WASHC5: variants seen among roughly 807,000 people sequenced by gnomAD.
WASHC5 encodes the protein WASH complex subunit 5.
WASHC5 carries 101 observed loss-of-function variants against 150.4 expected under a neutral mutation model. That is an observed-to-expected ratio of 0.67 (90% CI 0.57 to 0.79). The LOEUF is 0.79. WASHC5 is among the 30% of genes least tolerant of loss of function. The pLI, the probability that WASHC5 is intolerant of heterozygous loss-of-function variation, is 0.00. For missense variants in WASHC5, 1,195 were observed against 1,396.3 expected (o/e 0.86, Z 2.30); for synonymous variants, 467 against 491.2 (o/e 0.95, Z 0.65).
intron 27 of WASHC5, among the ~76,000 whole-genome samples, chr8:125,029,954 G>A (rs1042987593): frequency 6.6e-6 from 1 of 152,146 alleles, no homozygotes; most frequent in African/African-American, 2.4e-5. Flanking sequence ...GCTCTGCTTG[G>A]AGCAAGAGAA....
chr8:125,061,332 G>A (rs1300334110), intron 11 of WASHC5, 138 bp from the exon 12 acceptor site: 3 of 599,338 alleles, frequency 5.0e-6, no homozygotes, highest in Non-Finnish European at 9.0e-6. Context: ...TTTTCCAAAC[G>A]ACAAAAATGC....
chr8:125,063,925 C>T (rs1336579431), intron 10 of WASHC5, among the ~76,000 whole-genome samples: 1 of 152,108 alleles, frequency 6.6e-6, no homozygotes, highest in Non-Finnish European at 1.5e-5. Flanking sequence ...TCAAGGCCCA[C>T]CCCCAAAGAT....
chr8:125,078,665 G>C, intron 6 of WASHC5, 73 bp downstream of exon 6: 6 of 1,202,568 alleles, frequency 5.0e-6, no homozygotes, highest in Non-Finnish European at 7.4e-6. Context: ...AGGAAGGAAA[G>C]GAGTAATTAA....
At chr8:125,032,075 C>A (rs769090993) in intron 27 of WASHC5, among the ~76,000 whole-genome samples, 166 bp downstream of exon 27, 3 of 152,248 alleles carry the variant, frequency 2.0e-5, no homozygotes, top group East Asian at 1.9e-4. Flanking sequence ...GATGGACACA[C>A]CTGTAATTGC....
Position 125,024,637 on chromosome 8 carries a change from C to G in WASHC5, c.3460G>C (p.Glu1154Gln), listed in dbSNP as rs765297353. 6.2e-7 allele frequency: 1 copy of G among 1,611,078 alleles called. No individual in the cohort carries two copies. The highest frequency in any genetic ancestry group is 2.2e-5 in the East Asian group (1 of 44,810). ...EAHVPNFIFD[E>Q]FRTVL The stretch of plus-strand genomic sequence containing the variant: ...AACAGTTACAGCACTGTTCTGAACT[C>G]ATCAAAAATGAAATTAGGCACATGT... Residue 1154 changes from glutamate (E) to glutamine (Q), a missense_variant, in exon 29 of 29, where the codon GAG (glutamate) becomes CAG (glutamine). Coordinates refer to ENST00000318410, the MANE Select transcript of WASHC5 (RefSeq NM_014846.4).
At chr8:125,042,769 T>C (rs1028006783) in intron 23 of WASHC5, among the ~76,000 whole-genome samples, 2 of 152,098 alleles carry the variant, frequency 1.3e-5, no homozygotes, top group Admixed American at 1.3e-4. Flanking sequence ...CTGACAATCA[T>C]GAGGCTAGGG....
chr8:125,078,898 TC>T lies in WASHC5; in HGVS notation c.550del (p.Asp184ThrfsTer46). 6.2e-7 allele frequency: 1 copy of T among 1,613,732 alleles called. No individual in the cohort carries two copies. Reference protein sequence around the residue: ...AARSSADSNMDDICKLLRSTG... With the variant: ...AARSSADSNMXDICKLLRSTG... ...ACTTCGAAGCAGCTTACAAATATCG[TC>T]CATATTTGAATCAGCAGAAGATCGA... is the stretch of plus-strand genomic sequence containing the variant. On this transcript the variant is annotated frameshift_variant, in exon 6 of 29. Coordinates refer to ENST00000318410, the MANE Select transcript of WASHC5 (RefSeq NM_014846.4). LOFTEE classifies it high-confidence loss of function.
At chr8:125,030,637 TAAAA>T (rs71295816) in intron 27 of WASHC5, among the ~76,000 whole-genome samples, 2 of 52,788 alleles carry the variant, frequency 3.8e-5, no homozygotes. Flanking sequence ...CTCTTTCTCA[TAAAA>T]AAAAAAAAAA....
chr8:125,044,443 G>A, intron 21 of WASHC5, 93 bp downstream of exon 21: 1 of 1,347,726 alleles, frequency 7.4e-7, no homozygotes. Context: ...AATCATGGAA[G>A]AAAGGTTAAG....
intron 4 of WASHC5, 70 bp from the exon 5 acceptor site, chr8:125,081,831 A>G: frequency 1.1e-6 from 1 of 911,954 alleles, no homozygotes; most frequent in African/African-American, 1.6e-5. Flanking sequence ...GTCGGTAATC[A>G]TGAAAAATAT....
At chr8:125,041,712 G>C (rs754760545) in intron 23 of WASHC5, among the ~76,000 whole-genome samples, 8 of 151,766 alleles carry the variant, frequency 5.3e-5, no homozygotes, top group Non-Finnish European at 8.8e-5. Context: ...AGCTTGTAAT[G>C]GTCAAAAGTA....
chr8:125,042,799 G>A (rs78158137), intron 23 of WASHC5, among the ~76,000 whole-genome samples: 1,946 of 152,224 alleles, frequency 0.013, 35 homozygotes, highest in African/African-American at 0.045. Flanking sequence ...CCCACATCAC[G>A]AGAGGATATC....
intron 1 of WASHC5, 107 bp downstream of exon 1, chr8:125,091,508 T>G (rs890889577): frequency 2.0e-5 from 3 of 151,996 alleles, no homozygotes; most frequent in African/African-American, 7.3e-5. Flanking sequence ...GAGTCCCCCA[T>G]CCAGGCTGCA....
Position 125,082,774 on chromosome 8 carries a change from G to A in WASHC5, c.333-307C>T, listed in dbSNP as rs190820772. On this transcript the variant is annotated intron_variant, in intron 3 of 28. Transcript: ENST00000318410. ...AAGTTAATGAGTAATGAATTCTTAAGAAGTGTATTAAGAGACAGAAAGTTA... is the reference window on the plus strand; with the variant it reads ...AAGTTAATGAGTAATGAATTCTTAAAAAGTGTATTAAGAGACAGAAAGTTA... 1.8e-4 allele frequency: 69 copies of A among 382,116 alleles called. 1 individual carries two copies. In the East Asian group the frequency reaches 3.2e-3, roughly 18 times the overall value. The allele number at this position is 382,116 out of a possible 1,614,324, so 23.7% of individuals were successfully genotyped here. A position where few individuals can be genotyped will look rare whatever the true frequency, so the allele number is the denominator to read the frequency against.
intron 27 of WASHC5, among the ~76,000 whole-genome samples, chr8:125,031,109 C>T (rs1368871457): frequency 6.6e-6 from 1 of 152,172 alleles, no homozygotes; most frequent in Non-Finnish European, 1.5e-5. Context: ...AGAGGTAGCA[C>T]AAGCCCCCTC....
intron 25 of WASHC5, 32 bp downstream of exon 25, chr8:125,038,798 C>G (rs769011883): frequency 6.2e-7 from 1 of 1,612,266 alleles, no homozygotes; most frequent in South Asian, 1.1e-5. Context: ...TCTGTACCCC[C>G]ATCCCCGCCA....
intron 11 of WASHC5, among the ~76,000 whole-genome samples, chr8:125,063,094 T>C (rs1231753741): frequency 2.6e-5 from 4 of 152,146 alleles, no homozygotes; most frequent in Admixed American, 6.6e-5. Context: ...GCTGGTAGAT[T>C]ATGACATTCT....
At position 125,073,211 on chromosome 8, in the gene WASHC5, G is replaced by A. The variant is rs764921524; in HGVS notation, c.1092C>T (p.Asn364=). Residue 364 remains asparagine, a synonymous_variant, in exon 9 of 29, where the codon AAC becomes AAT. Coordinates refer to ENST00000318410, the MANE Select transcript of WASHC5 (RefSeq NM_014846.4). ...MVLDNIPKLL[N]CLRDCNVAIR... ...TGGCAACATTGCAGTCTCTCAGGCA[G>A]TTCAGAAGCTTTGGGATATTGTCCA... 6.2e-7 allele frequency: 1 copy of A among 1,614,112 alleles called. No homozygotes were observed. Among genetic ancestry groups the A allele is most frequent in the Non-Finnish European group, 8.5e-7 (1 of 1,179,988 alleles).
At chr8:125,051,831 G>T (rs1816249820) in intron 17 of WASHC5, among the ~76,000 whole-genome samples, 1 of 152,176 alleles carries the variant, frequency 6.6e-6, no homozygotes, top group Non-Finnish European at 1.5e-5. Flanking sequence ...AGGTTGCGGT[G>T]AGCCTGCACC....
Sources: gnomAD v4.1 joint callset for allele counts (sites outside exome capture counted in the v4.1 genomes callset) on GRCh38, gnomAD v4.1.1 for gene constraint, MANE v1.5 for transcripts, NCBI Gene and HGNC (gene_info 2026-07-23, HGNC 2026-07-21) for gene names.